GPR35: variants seen among roughly 807,000 people sequenced by gnomAD.
GPR35 encodes the protein G protein-coupled receptor 35.
For missense variants in GPR35, 372 were observed against 422.5 expected (o/e 0.88, Z 1.05); for synonymous variants, 207 against 198.4 (o/e 1.04, Z -0.36).
intron 1 of GPR35, among the ~76,000 whole-genome samples, chr2:240,625,875 T>TGAG (rs2043367928): frequency 3.6e-5 from 3 of 82,598 alleles, no homozygotes; most frequent in African/African-American, 1.4e-4. Flanking sequence ...CAGAGTGGGG[T>TGAG]GAGGCTGTGA....
At chr2:240,606,226 C>T (rs1051173835) in intron 1 of GPR35, among the ~76,000 whole-genome samples, 5 of 152,202 alleles carry the variant, frequency 3.3e-5, no homozygotes, top group Admixed American at 2.0e-4. Context: ...TATGCAGTGT[C>T]CCTTACCCAG....
chr2:240,616,737 A>T (rs1016545394), intron 3 of GPR35, among the ~76,000 whole-genome samples: 2 of 111,370 alleles, frequency 1.8e-5, no homozygotes, highest in South Asian at 7.1e-4. Flanking sequence ...AACAAACAAT[A>T]CAGTAAAAAA....
exon 3 of GPR35, chr2:240,616,457 T>C: frequency 1.3e-6 from 1 of 780,830 alleles, no homozygotes; most frequent in Non-Finnish European, 2.4e-6. Context: ...GGAGTTCCCA[T>C]GCCTGCCAAT....
At chr2:240,614,682 TAGG>T (rs2043221633) in intron 2 of GPR35, among the ~76,000 whole-genome samples, 1 of 152,190 alleles carries the variant, frequency 6.6e-6, no homozygotes, top group South Asian at 2.1e-4. Context: ...TGAGTTCCTT[TAGG>T]GAGGGACCGG....
At chr2:240,609,575 A>C (rs567522907) in intron 2 of GPR35, among the ~76,000 whole-genome samples, 34 of 152,358 alleles carry the variant, frequency 2.2e-4, no homozygotes, top group Non-Finnish European at 4.3e-4. Context: ...TAGTTAGAGA[A>C]CATATTCTGT....
intron 1 of GPR35, among the ~76,000 whole-genome samples, chr2:240,626,858 A>G (rs2043383974): frequency 6.6e-6 from 1 of 152,164 alleles, no homozygotes. Context: ...TCCCGGGTCC[A>G]GACAGGGGGA....
intron 2 of GPR35, among the ~76,000 whole-genome samples, chr2:240,614,032 A>G (rs56026499): frequency 0.033 from 4,937 of 150,010 alleles, 92 homozygotes; most frequent in South Asian, 0.076. Context: ...CTAATTAACA[A>G]TGCCTCATGT....
rs766964684 is a variant in GPR35, at chr2:240,631,607, G to C, written c.*725G>C. Among the ~76,000 whole-genome samples the C allele has an allele frequency of 6.6e-6, 1 of 152,102 alleles. No homozygotes were observed. The highest frequency in any genetic ancestry group is 1.5e-5 in the Non-Finnish European group (1 of 68,000). On this transcript the variant is annotated 3_prime_UTR_variant, in exon 2 of 2. Coordinates refer to ENST00000407714, the MANE Select transcript of GPR35 (RefSeq NM_005301.5). The stretch of plus-strand genomic sequence containing the variant: ...GGGTGGCAGTGAAGGGGGTGGCCAG[G>C]GTCTGTCAAGGAACCCAGCCCTCTT...
upstream of GPR35, among the ~76,000 whole-genome samples, chr2:240,623,047 C>T (rs1398116998): frequency 5.0e-5 from 6 of 119,420 alleles, no homozygotes; most frequent in East Asian, 7.0e-4. Flanking sequence ...AGCAGAGGAC[C>T]CCAGGCGACC....
At position 240,632,761 on chromosome 2, in the gene GPR35, G is replaced by A. The variant is rs1575472269; in HGVS notation, c.*1879G>A. 6.6e-6 allele frequency among the ~76,000 whole-genome samples: 1 copy of A among 151,302 alleles called. No homozygotes were observed. The highest frequency in any genetic ancestry group is 1.5e-5 in the Non-Finnish European group (1 of 67,796). On this transcript the variant is annotated 3_prime_UTR_variant, in exon 2 of 2. Transcript: ENST00000407714. The stretch of plus-strand genomic sequence containing the variant: ...TGCCCAGGCCAGTTCATGCACAGGA[G>A]GGCCCCATGCCTAAAAGTGTCCATG...
chr2:240,612,233 G>A (rs1285309245), intron 2 of GPR35, among the ~76,000 whole-genome samples: 4 of 151,244 alleles, frequency 2.6e-5, no homozygotes, highest in South Asian at 2.1e-4. Context: ...GATCGAGACC[G>A]TCCTGGCTAG....
upstream of GPR35, among the ~76,000 whole-genome samples, chr2:240,621,245 TTTC>T (rs2043289928): frequency 6.8e-6 from 1 of 147,778 alleles, no homozygotes; most frequent in Non-Finnish European, 1.5e-5. Flanking sequence ...TGTTGTTTTA[TTTC>T]TTATTTATTT....
At chr2:240,609,964 CTT>C (rs879882240) in intron 2 of GPR35, among the ~76,000 whole-genome samples, 4 of 144,520 alleles carry the variant, frequency 2.8e-5, no homozygotes, top group Non-Finnish European at 6.1e-5. Flanking sequence ...ATGAAATATC[CTT>C]TTTTTTTTTT....
Position 240,630,579 on chromosome 2 carries a change from A to G in GPR35, c.627A>G (p.Ala209=). The G allele has an allele frequency of 1.2e-6, 2 of 1,612,870 alleles. No individual in the cohort carries two copies. The highest frequency in any genetic ancestry group is 1.7e-6 in the Non-Finnish European group (2 of 1,179,942). The change falls in exon 2 of 2, where the codon GCA becomes GCG. Residue 209 remains alanine (A), a synonymous_variant. Coordinates refer to ENST00000407714, the MANE Select transcript of GPR35 (RefSeq NM_005301.5). The stretch of plus-strand genomic sequence containing the variant: ...GGCCACCCACCGACGTGGGGCAGGC[A>G]GAGGCCACCCGCAAGGCTGCCCGCA... ...AQRPPTDVGQ[A]EATRKAARMV...
chr2:240,622,496 A>G (rs547170897), upstream of GPR35, among the ~76,000 whole-genome samples: 1 of 152,356 alleles, frequency 6.6e-6, no homozygotes, highest in Admixed American at 6.5e-5. Flanking sequence ...TGGGCCAAAC[A>G]TGAAATACAC....
chr2:240,610,204 C>T (rs2043169319), intron 2 of GPR35, among the ~76,000 whole-genome samples: 2 of 152,132 alleles, frequency 1.3e-5, no homozygotes, highest in African/African-American at 4.8e-5. Context: ...GTGGTCTGCC[C>T]ACCTCAGCCT....
At chr2:240,616,220 T>A (rs2043235406) in intron 2 of GPR35, among the ~76,000 whole-genome samples, 1 of 152,172 alleles carries the variant, frequency 6.6e-6, no homozygotes, top group Non-Finnish European at 1.5e-5. Flanking sequence ...CCTGCACTAT[T>A]GCAGTCGTGA....
chr2:240,627,343 T>G (rs1433734181), intron 1 of GPR35: 1 of 152,274 alleles, frequency 6.6e-6, no homozygotes, highest in Non-Finnish European at 1.5e-5. Flanking sequence ...CAAGGACCCA[T>G]GAACAGGGCA....
intron 5 of GPR35, among the ~76,000 whole-genome samples, chr2:240,619,947 G>A (rs1171307276): frequency 2.0e-5 from 3 of 152,210 alleles, no homozygotes; most frequent in Admixed American, 2.0e-4. Flanking sequence ...CTGCTGAGAA[G>A]GGAGGGCCCT....
Sources: allele counts gnomAD v4.1 joint callset (sites outside exome capture counted in the v4.1 genomes callset), GRCh38; gene constraint gnomAD v4.1.1; transcripts MANE v1.5; gene names NCBI Gene and HGNC (gene_info 2026-07-23, HGNC 2026-07-21).